Variants in CSMD1 observed in about 807,000 individuals in gnomAD.
CSMD1 encodes CUB and Sushi multiple domains 1.
CSMD1 carries 213 observed loss-of-function variants against 417.5 expected under a neutral mutation model. The observed-to-expected ratio is 0.51, with a 90% CI of 0.46 to 0.57. The LOEUF (loss-of-function observed/expected upper bound fraction) is 0.57, where lower values mean the gene tolerates loss of function less well. CSMD1 is among the 20% of genes least tolerant of loss of function. The probability of loss-of-function intolerance (pLI) is 0.00; values close to 1 mark genes in which losing one functional copy is unlikely to be tolerated. For synonymous variants in CSMD1, 2,862 were observed against 1,736.8 expected (o/e 1.65, Z -16.11); for missense variants, 6,923 against 4,529.7 (o/e 1.53, Z -15.17).
At chr8:3,085,305 C>G (rs185199084) in intron 49 of CSMD1, among the ~76,000 whole-genome samples, 4 of 152,230 alleles carry the variant, frequency 2.6e-5, no homozygotes, top group African/African-American at 4.8e-5. Context: ...CATATTGACT[C>G]CCAGGTTAAC....
intron 3 of CSMD1, among the ~76,000 whole-genome samples, chr8:4,346,263 A>C (rs559260225): frequency 6.6e-6 from 1 of 152,308 alleles, no homozygotes. Context: ...CCAAAGAATA[A>C]TAATATTTCA....
chr8:3,932,318 G>T (rs1810206806), intron 5 of CSMD1, among the ~76,000 whole-genome samples: 1 of 150,536 alleles, frequency 6.6e-6, no homozygotes, highest in Non-Finnish European at 1.5e-5. Flanking sequence ...ATGTGCTCAT[G>T]GTCTTTAAAC....
At chr8:3,300,070 C>G (rs891134552) in intron 25 of CSMD1, among the ~76,000 whole-genome samples, 1 of 152,042 alleles carries the variant, frequency 6.6e-6, no homozygotes, top group African/African-American at 2.4e-5. Flanking sequence ...CTGAATATTC[C>G]AAAAGGGTGT....
chr8:4,108,483 C>G (rs1056648552), intron 3 of CSMD1, among the ~76,000 whole-genome samples: 3 of 152,168 alleles, frequency 2.0e-5, no homozygotes, highest in East Asian at 3.9e-4. Flanking sequence ...GATTTAGTGG[C>G]AAGTGATTGC....
chr8:3,447,995 G>C (rs1815408233), intron 12 of CSMD1, among the ~76,000 whole-genome samples: 1 of 152,078 alleles, frequency 6.6e-6, no homozygotes, highest in Non-Finnish European at 1.5e-5. Flanking sequence ...GAGGAAATGA[G>C]AGTCCTGATA....
intron 1 of CSMD1, among the ~76,000 whole-genome samples, chr8:4,957,363 G>C (rs2117314375): frequency 6.6e-6 from 1 of 152,276 alleles, no homozygotes; most frequent in Non-Finnish European, 1.5e-5. Context: ...GGCAGTTTGT[G>C]AAAAATTATG....
At chr8:4,376,031 C>CT (rs1802711526) in intron 3 of CSMD1, among the ~76,000 whole-genome samples, 1 of 152,120 alleles carries the variant, frequency 6.6e-6, no homozygotes, top group African/African-American at 2.4e-5. Flanking sequence ...AAATGCCCGT[C>CT]TTTAAGTCTT....
chr8:4,003,695 A>G lies in CSMD1; in HGVS notation c.611-5585T>C, dbSNP rs1815881256. ...CTAGTTGTATGTTCCTAATATCAAC[A>G]TGCATTAACACAGTGCTTCAGGCGA... On this transcript the variant is annotated intron_variant, in intron 4 of 69. Transcript: ENST00000635120. Among the ~76,000 whole-genome samples, 3 of 152,208 alleles carry G rather than the reference A, an allele frequency of 2.0e-5. No homozygotes were observed. In the South Asian group the frequency reaches 6.2e-4, roughly 31 times the overall value.
At chr8:3,682,249 C>G (rs947426475) in intron 7 of CSMD1, among the ~76,000 whole-genome samples, 1 of 152,114 alleles carries the variant, frequency 6.6e-6, no homozygotes, top group Non-Finnish European at 1.5e-5. Context: ...TCAGAGTGAA[C>G]AGGCAACCTA....
chr8:3,460,850 G>A (rs942210609), intron 12 of CSMD1, among the ~76,000 whole-genome samples: 1 of 152,156 alleles, frequency 6.6e-6, no homozygotes, highest in Non-Finnish European at 1.5e-5. Flanking sequence ...GTGAGTCCCA[G>A]GTCAGGAAGC....
At chr8:3,540,392 T>G (rs1029781372) in intron 10 of CSMD1, among the ~76,000 whole-genome samples, 1 of 152,144 alleles carries the variant, frequency 6.6e-6, no homozygotes, top group African/African-American at 2.4e-5. Flanking sequence ...CAAGGTGGAT[T>G]CAAGACTTAA....
rs773481400 is a variant in CSMD1 at position 3,586,286 on chromosome 8, A to AAT, written c.1098-27_1098-26insAT. ...CTAAGCCGTTAAAAAAGAAAAAAAAAAACCCAAATTATTTACAGAAGACTT... is the reference window on the plus strand; with the variant it reads ...CTAAGCCGTTAAAAAAGAAAAAAAAAATAACCCAAATTATTTACAGAAGACTT... On this transcript the variant is annotated intron_variant, in intron 8 of 69. Transcript: ENST00000635120. The AAT allele has an allele frequency of 5.2e-5, 81 of 1,550,644 alleles. No homozygotes were observed. In the African/African-American group the frequency reaches 1.0e-3, roughly 19 times the overall value.
intron 1 of CSMD1, among the ~76,000 whole-genome samples, chr8:4,765,948 C>T (rs1371262836): frequency 3.3e-5 from 5 of 152,082 alleles, no homozygotes; most frequent in Admixed American, 2.0e-4. Context: ...GCTAATTCCA[C>T]ATAGTTTCCA....
At chr8:4,069,214 A>C (rs554513148) in intron 3 of CSMD1, among the ~76,000 whole-genome samples, 1 of 152,326 alleles carries the variant, frequency 6.6e-6, no homozygotes, top group South Asian at 2.1e-4. Flanking sequence ...GCGTGAATGT[A>C]AAATTGTCAT....
chr8:3,322,766 C>T (rs73657812), intron 23 of CSMD1, among the ~76,000 whole-genome samples: 16,845 of 152,166 alleles, frequency 0.11, 1,869 homozygotes, highest in African/African-American at 0.28. Context: ...GTACTTAACC[C>T]GCAAACCTCA....
At chr8:3,435,348 G>C (rs1246728118) in intron 12 of CSMD1, among the ~76,000 whole-genome samples, 1 of 152,138 alleles carries the variant, frequency 6.6e-6, no homozygotes, top group East Asian at 1.9e-4. Flanking sequence ...TGCCCTGAGT[G>C]GTTCTTCTCC....
At chr8:4,850,382 C>CTTTTTTTTTTTTTTTTTTTT in intron 1 of CSMD1, among the ~76,000 whole-genome samples, 1 of 77,826 alleles carries the variant, frequency 1.3e-5, no homozygotes, top group African/African-American at 5.2e-5. Context: ...TCCAATTTAT[C>CTTTTTTTTTTTTTTTTTTTT]TTTTTTTTTT....
chr8:3,178,520 T>C (rs1821083237), intron 37 of CSMD1, among the ~76,000 whole-genome samples: 1 of 152,114 alleles, frequency 6.6e-6, no homozygotes, highest in Non-Finnish European at 1.5e-5. Flanking sequence ...GTAAATGGTA[T>C]TCGTAATAAA....
In CSMD1 at chr8:3,019,783, T is replaced by C. The variant is rs946456605; in HGVS notation, c.7856-1133A>G. Among the ~76,000 whole-genome samples, 4 of 152,188 alleles carry C rather than the reference T, an allele frequency of 2.6e-5. No homozygotes were observed. The East Asian group carries it at 7.7e-4, about 29-fold the overall frequency. On this transcript the variant is annotated intron_variant, in intron 51 of 69. Transcript: ENST00000635120. ...ATATATTCTTACTACACCACTGAAA[T>C]CTCTGCTCTTCAGATTCAGAAACAC...
Sources: gnomAD v4.1 joint callset for allele counts (sites outside exome capture counted in the v4.1 genomes callset) on GRCh38, gnomAD v4.1.1 for gene constraint, MANE v1.5 for transcripts, NCBI Gene and HGNC (gene_info 2026-07-23, HGNC 2026-07-21) for gene names.